Variants in MACROD2 observed in about 807,000 individuals in gnomAD.
The protein encoded by MACROD2 is mono-ADP ribosylhydrolase 2, also known as ADP-ribose glycohydrolase MACROD2.
MACROD2 carries 36 observed loss-of-function variants against 70.4 expected under a neutral mutation model. The observed-to-expected ratio is 0.51, with a 90% CI of 0.39 to 0.68. The LOEUF (loss-of-function observed/expected upper bound fraction) is 0.68, where lower values mean the gene tolerates loss of function less well. Ranked by LOEUF, MACROD2 falls within the 30% of genes least tolerant of loss-of-function variation. MACROD2 has a pLI of 0.00. For missense variants in MACROD2, 496 were observed against 538.4 expected (o/e 0.92, Z 0.78); for synonymous variants, 172 against 178.8 (o/e 0.96, Z 0.30).
At chr20:15,254,513 C>A (rs943945588) in intron 6 of MACROD2, among the ~76,000 whole-genome samples, 1 of 151,992 alleles carries the variant, frequency 6.6e-6, no homozygotes, top group African/African-American at 2.4e-5. Flanking sequence ...ACTGGGAGCC[C>A]CACTTTTCTC....
chr20:15,095,064 C>CTTTTTTTTTTTT (rs373794823), intron 5 of MACROD2, among the ~76,000 whole-genome samples: 3 of 89,222 alleles, frequency 3.4e-5, no homozygotes, highest in Non-Finnish European at 7.4e-5. Flanking sequence ...GTCTCCTCTT[C>CTTTTTTTTTTTT]TTTTTTTTTT....
chr20:14,326,169 G>C lies in MACROD2; in HGVS notation c.272-167310G>C. 6.2e-7 allele frequency: 1 copy of C among 1,613,850 alleles called. No individual in the cohort carries two copies. ...TTTCTGTTATAGATCCAAATGCCGGGCTATGGCCCAGTTTAAGCCAGCTGA... is the reference window on the plus strand; with the variant it reads ...TTTCTGTTATAGATCCAAATGCCGGCCTATGGCCCAGTTTAAGCCAGCTGA... On this transcript the variant is annotated intron_variant, in intron 3 of 17. Coordinates refer to ENST00000684519, the MANE Select transcript of MACROD2 (RefSeq NM_001351661.2). The surrounding 1 kb of genome is among the most constrained non-coding windows in gnomAD (Gnocchi z 5.5).
intron 4 of MACROD2, among the ~76,000 whole-genome samples, chr20:14,681,201 A>G (rs920655344): frequency 6.6e-6 from 1 of 152,154 alleles, no homozygotes; most frequent in Non-Finnish European, 1.5e-5. Context: ...CACTGGGGAA[A>G]ACTGTTATGT....
chr20:14,392,421 T>C (rs1289099634), intron 3 of MACROD2, among the ~76,000 whole-genome samples: 1 of 152,178 alleles, frequency 6.6e-6, no homozygotes, highest in Non-Finnish European at 1.5e-5. Flanking sequence ...TCTAATTCAT[T>C]ATGTAGATCA....
chr20:15,025,093 G>A (rs2122978198), intron 5 of MACROD2, among the ~76,000 whole-genome samples: 1 of 152,038 alleles, frequency 6.6e-6, no homozygotes, highest in Admixed American at 6.6e-5. Flanking sequence ...TACACACTTA[G>A]GAATTTTAAG....
chr20:15,442,928 A>G (rs2146377964), intron 7 of MACROD2, among the ~76,000 whole-genome samples: 1 of 152,282 alleles, frequency 6.6e-6, no homozygotes, highest in South Asian at 2.1e-4. Context: ...TTTTTAAGGC[A>G]TAAGGACAGT....
intron 3 of MACROD2, among the ~76,000 whole-genome samples, chr20:14,435,612 A>G (rs577787073): frequency 6.6e-6 from 1 of 152,276 alleles, no homozygotes; most frequent in East Asian, 1.9e-4. Context: ...GTGTAAGCAA[A>G]TCCCTACTCT....
intron 3 of MACROD2, among the ~76,000 whole-genome samples, chr20:14,291,080 A>T (rs2082382614): frequency 6.6e-6 from 1 of 152,228 alleles, no homozygotes; most frequent in Admixed American, 6.5e-5. Context: ...ATTTATTTGT[A>T]CAAGTTGTAC....
chr20:15,401,061 G>A lies in MACROD2; in HGVS notation c.541-30344G>A, dbSNP rs570652093. On this transcript the variant is annotated intron_variant, in intron 6 of 17. Coordinates refer to ENST00000684519, the MANE Select transcript of MACROD2 (RefSeq NM_001351661.2). ...CTTGTTCTTTTTTTTTTTTTGAGACGGAGTCTTGCTCTGTCGCCCAGGCTG... is the reference window on the plus strand; with the variant it reads ...CTTGTTCTTTTTTTTTTTTTGAGACAGAGTCTTGCTCTGTCGCCCAGGCTG... Among the ~76,000 whole-genome samples the A allele has an allele frequency of 4.0e-5, 6 of 150,814 alleles. No homozygotes were observed. In the South Asian group the frequency reaches 6.3e-4, roughly 16 times the overall value.
chr20:15,893,714 G>T (rs1469700453), intron 10 of MACROD2: 6 of 456,706 alleles, frequency 1.3e-5, no homozygotes, highest in South Asian at 9.3e-5. Flanking sequence ...AAATTTTAAA[G>T]GGAGCATATT....
intron 5 of MACROD2, among the ~76,000 whole-genome samples, chr20:14,969,844 T>A (rs6043038): frequency 0.022 from 3,345 of 152,234 alleles, 135 homozygotes; most frequent in African/African-American, 0.075. Context: ...AAGCATAGAA[T>A]TGCTTTAAAC....
intron 4 of MACROD2, among the ~76,000 whole-genome samples, chr20:14,550,504 G>C (rs1978582182): frequency 6.6e-6 from 1 of 152,160 alleles, no homozygotes; most frequent in Non-Finnish European, 1.5e-5. Flanking sequence ...GAGAAGAGAA[G>C]ACATAAGTCT....
chr20:15,369,750 CTG>C (rs1332776185), intron 6 of MACROD2, among the ~76,000 whole-genome samples: 2 of 152,118 alleles, frequency 1.3e-5, no homozygotes, highest in Non-Finnish European at 2.9e-5. Flanking sequence ...ATTTAAAAGA[CTG>C]TAATTAGAAT....
intron 17 of MACROD2, among the ~76,000 whole-genome samples, chr20:16,047,853 C>T (rs1402067471): frequency 1.3e-5 from 2 of 152,200 alleles, no homozygotes; most frequent in Non-Finnish European, 2.9e-5. Context: ...GACCTTGAAC[C>T]ATTCAACGTA....
intron 8 of MACROD2, among the ~76,000 whole-genome samples, chr20:15,786,993 G>C (rs545798253): frequency 6.6e-6 from 1 of 152,166 alleles, no homozygotes; most frequent in South Asian, 2.1e-4. Context: ...TTGTTTTTGA[G>C]ACAGAGTCTC....
At chr20:14,222,180 A>G (rs777675832) in intron 3 of MACROD2, among the ~76,000 whole-genome samples, 9 of 146,504 alleles carry the variant, frequency 6.1e-5, no homozygotes, top group Non-Finnish European at 1.3e-4. Context: ...AGATACCTGC[A>G]TTTTTATACT....
At chr20:14,181,314 C>T (rs1433825809) in intron 3 of MACROD2, among the ~76,000 whole-genome samples, 1 of 151,952 alleles carries the variant, frequency 6.6e-6, no homozygotes, top group African/African-American at 2.4e-5. Context: ...GCATTCCTTC[C>T]GCCTTGGCCT....
intron 2 of MACROD2, among the ~76,000 whole-genome samples, chr20:14,071,510 T>G (rs1289688918): frequency 6.6e-6 from 1 of 151,996 alleles, no homozygotes; most frequent in African/African-American, 2.4e-5. Flanking sequence ...TCCACCTACC[T>G]CGGCCTCCCA....
At chr20:15,449,692 C>T (rs1327856135) in intron 7 of MACROD2, among the ~76,000 whole-genome samples, 1 of 152,002 alleles carries the variant, frequency 6.6e-6, no homozygotes, top group Non-Finnish European at 1.5e-5. Context: ...GATCTAGTAA[C>T]ATTTTAAACA....
Sources: gnomAD v4.1 joint callset for allele counts (sites outside exome capture counted in the v4.1 genomes callset) on GRCh38, gnomAD v4.1.1 for gene constraint, Gnocchi (gnomAD v3.1) non-coding constraint, MANE v1.5 for transcripts, NCBI Gene and HGNC (gene_info 2026-07-23, HGNC 2026-07-21) for gene names.